Variants in NEK11 observed in about 807,000 individuals in gnomAD.
NEK11 encodes the protein serine/threonine-protein kinase Nek11.
Under a neutral mutation model 80.7 loss-of-function variants are expected in NEK11, and 72 were observed. The observed-to-expected ratio is 0.89, with a 90% confidence interval of 0.74 to 1.08. NEK11 has a LOEUF of 1.08. NEK11 is among the 50% of genes least tolerant of loss of function. The pLI, the probability that NEK11 is intolerant of heterozygous loss-of-function variation, is 0.00. For synonymous variants in NEK11, 251 were observed against 260.7 expected, an observed-to-expected ratio of 0.96 and a Z score of 0.36; for missense variants, 764 against 763.6, an observed-to-expected ratio of 1.00 and a Z score of -0.01.
At chr3:131,155,807 A>T (rs149108495) in intron 10 of NEK11, among the ~76,000 whole-genome samples, 1 of 152,258 alleles carries the variant, frequency 6.6e-6, no homozygotes, top group African/African-American at 2.4e-5. Context: ...TCTAGCACAA[A>T]TATACTCCTC....
chr3:131,259,947 G>A lies in NEK11; in HGVS notation c.1622-13531G>A, dbSNP rs182008984. On this transcript the variant is annotated intron_variant, in intron 16 of 17. Coordinates refer to ENST00000383366, the MANE Select transcript of NEK11 (RefSeq NM_024800.5). The stretch of plus-strand genomic sequence containing the variant: ...GACTACCCTGTTTTGCAGATTCTTC[G>A]ACAGTTTTGTTGCCATTCTGATGTC... 3.3e-5 allele frequency among the ~76,000 whole-genome samples: 5 copies of A among 152,208 alleles called. No homozygotes were observed. The South Asian group carries it at 6.2e-4, about 19-fold the overall frequency.
At chr3:131,224,604 G>T (rs1323681185) in intron 14 of NEK11, among the ~76,000 whole-genome samples, 2 of 152,016 alleles carry the variant, frequency 1.3e-5, no homozygotes, top group African/African-American at 4.8e-5. Context: ...AACAGCCTTG[G>T]GCAGGTCCTT....
chr3:131,198,612 C>G (rs970813084), intron 14 of NEK11, among the ~76,000 whole-genome samples: 4 of 152,162 alleles, frequency 2.6e-5, no homozygotes, highest in African/African-American at 9.7e-5. Context: ...AACAATGTGG[C>G]CAACTCTTTG....
chr3:131,105,864 T>G (rs2079100294), intron 4 of NEK11, among the ~76,000 whole-genome samples: 1 of 152,242 alleles, frequency 6.6e-6, no homozygotes, highest in South Asian at 2.1e-4. Flanking sequence ...CTTTCTCATT[T>G]TGGATCAATC....
At chr3:131,294,783 T>C (rs545080671) in intron 17 of NEK11, among the ~76,000 whole-genome samples, 94 of 152,286 alleles carry the variant, frequency 6.2e-4, no homozygotes, top group Non-Finnish European at 1.3e-3. Context: ...GTGTTAAGGA[T>C]TGTTTTGACT....
chr3:131,233,319 C>T (rs912409985), intron 15 of NEK11, among the ~76,000 whole-genome samples: 4 of 152,196 alleles, frequency 2.6e-5, no homozygotes, highest in African/African-American at 4.8e-5. Flanking sequence ...AGGGCCTCAG[C>T]GTGGACCCTG....
At chr3:131,115,788 G>A (rs967877271) in intron 5 of NEK11, among the ~76,000 whole-genome samples, 2 of 152,080 alleles carry the variant, frequency 1.3e-5, no homozygotes, top group Non-Finnish European at 2.9e-5. Flanking sequence ...GAGAGAACAG[G>A]GCTGGGCACT....
chr3:131,166,103 A>T (rs1366788351), intron 12 of NEK11, among the ~76,000 whole-genome samples: 2 of 152,224 alleles, frequency 1.3e-5, no homozygotes, highest in African/African-American at 4.8e-5. Context: ...ATATCTCCAC[A>T]GGCCTTGGGT....
In NEK11 at chr3:131,040,417, G is replaced by GGGTATATACATATAT. The variant is rs1256317577; in HGVS notation, c.170+10540_170+10554dup. 5.9e-5 allele frequency among the ~76,000 whole-genome samples: 9 copies of GGGTATATACATATAT among 152,160 alleles called. No individual in the cohort carries two copies. The East Asian group carries it at 1.7e-3, about 29-fold the overall frequency. On this transcript the variant is annotated intron_variant, in intron 3 of 17. Coordinates refer to ENST00000383366, the MANE Select transcript of NEK11 (RefSeq NM_024800.5). ...TTGTAGAGATGGTGTCATGTTTCAT[G>GGGTATATACATATAT]GGTATATACATATATCAAAATTTGG...
At chr3:131,341,950 A>C (rs2097293683) in intron 17 of NEK11, among the ~76,000 whole-genome samples, 1 of 152,178 alleles carries the variant, frequency 6.6e-6, no homozygotes, top group Non-Finnish European at 1.5e-5. Flanking sequence ...AGTCTAGTCC[A>C]TTTACATTTA....
At chr3:131,110,472 A>G (rs191535189) in intron 5 of NEK11, among the ~76,000 whole-genome samples, 17 of 152,270 alleles carry the variant, frequency 1.1e-4, no homozygotes, top group Admixed American at 8.5e-4. Flanking sequence ...TATTTTGATT[A>G]TCTGTGATTT....
intron 14 of NEK11, among the ~76,000 whole-genome samples, chr3:131,222,571 G>T (rs1181343436): frequency 2.0e-5 from 3 of 152,164 alleles, no homozygotes; most frequent in African/African-American, 7.2e-5. Flanking sequence ...CTCTTCTAAG[G>T]TAAAGTTTTT....
chr3:131,171,026 C>A, intron 14 of NEK11, 139 bp downstream of exon 14: 1 of 716,418 alleles, frequency 1.4e-6, no homozygotes, highest in East Asian at 2.5e-5. Flanking sequence ...CAGGGCTGGG[C>A]TATGACCAGG....
chr3:131,109,669 G>C, intron 4 of NEK11, 134 bp from the exon 5 acceptor site: 2 of 907,476 alleles, frequency 2.2e-6, no homozygotes, highest in African/African-American at 1.7e-5. Flanking sequence ...ATTAAAGAGA[G>C]AATCTTTGTC....
intron 14 of NEK11, among the ~76,000 whole-genome samples, chr3:131,176,534 A>C (rs1267632369): frequency 6.6e-6 from 1 of 152,206 alleles, no homozygotes; most frequent in African/African-American, 2.4e-5. Flanking sequence ...GGATAATTAG[A>C]ATGAATCTAA....
At chr3:131,102,907 C>T (rs188977211) in intron 4 of NEK11, among the ~76,000 whole-genome samples, 20 of 152,192 alleles carry the variant, frequency 1.3e-4, no homozygotes, top group African/African-American at 2.6e-4. Flanking sequence ...TGAGTTGATT[C>T]GAAGAACTGG....
At chr3:131,166,945 T>A (rs1006094862) in intron 12 of NEK11, among the ~76,000 whole-genome samples, 11 of 152,246 alleles carry the variant, frequency 7.2e-5, no homozygotes, top group African/African-American at 2.7e-4. Context: ...CAGTCTGCTT[T>A]GTCCCCCTGC....
At chr3:131,318,739 GTATATA>G (rs35126140) in intron 17 of NEK11, among the ~76,000 whole-genome samples, 6 of 145,538 alleles carry the variant, frequency 4.1e-5, no homozygotes, top group African/African-American at 1.3e-4. Context: ...GTGTACATGT[GTATATA>G]TATATATATA....
At chr3:131,325,244 T>C (rs1171524622) in intron 17 of NEK11, 1 of 151,892 alleles carries the variant, frequency 6.6e-6, no homozygotes, top group African/African-American at 2.4e-5. Flanking sequence ...AAGTCAGCTA[T>C]AGAATCAAAG....
Sources: allele counts gnomAD v4.1 joint callset (sites outside exome capture counted in the v4.1 genomes callset), GRCh38; gene constraint gnomAD v4.1.1; transcripts MANE v1.5; gene names NCBI Gene and HGNC (gene_info 2026-07-23, HGNC 2026-07-21).